ZBTB7C: variants seen among roughly 807,000 people sequenced by gnomAD.
The protein encoded by ZBTB7C is zinc finger and BTB domain-containing protein 7C.
ZBTB7C carries 8 observed loss-of-function variants against 25.7 expected under a neutral mutation model. The ratio of observed to expected loss-of-function variants is 0.31; its 90% CI spans 0.18 to 0.56. The LOEUF (loss-of-function observed/expected upper bound fraction) is 0.56. ZBTB7C is among the 20% of genes least tolerant of loss of function. ZBTB7C has a pLI of 0.91. For missense variants in ZBTB7C, 824 were observed against 855.2 expected (o/e 0.96, Z 0.46); for synonymous variants, 394 against 369.0 (o/e 1.07, Z -0.78).
intron 3 of ZBTB7C, among the ~76,000 whole-genome samples, chr18:48,090,634 C>G (rs2144548542): frequency 6.6e-6 from 1 of 152,344 alleles, no homozygotes; most frequent in South Asian, 2.1e-4. Flanking sequence ...ATGACCCAGG[C>G]CTATCTGTCC....
At chr18:48,288,779 G>C (rs928717019) in intron 2 of ZBTB7C, among the ~76,000 whole-genome samples, 2 of 152,170 alleles carry the variant, frequency 1.3e-5, no homozygotes, top group African/African-American at 4.8e-5. Flanking sequence ...ACCAGACATC[G>C]AATCTGCTGG....
intron 2 of ZBTB7C, among the ~76,000 whole-genome samples, chr18:48,288,142 A>G (rs1294631106): frequency 6.6e-6 from 1 of 152,270 alleles, no homozygotes; most frequent in Non-Finnish European, 1.5e-5. Context: ...TAATCTACAA[A>G]GATCTAAAAG....
At chr18:48,120,966 C>T (rs756116319) in intron 3 of ZBTB7C, among the ~76,000 whole-genome samples, 4 of 152,210 alleles carry the variant, frequency 2.6e-5, no homozygotes, top group Non-Finnish European at 5.9e-5. Context: ...TGGGAGGTAC[C>T]AAGAGAGTAA....
rs1306510626 is a variant in ZBTB7C, at chr18:48,029,076, C to G, written c.*184G>C. 16 of 877,780 alleles carry G rather than the reference C, an allele frequency of 1.8e-5. No homozygotes were observed. The highest frequency in any genetic ancestry group is 2.4e-5 in the Non-Finnish European group (15 of 619,278). The allele number at this position is 877,780 out of a possible 1,614,324, so 54.4% of individuals were successfully genotyped here. ...TTTGGGAAAAGATGCCCGTCTCAGA[C>G]CAGCAAAAGGAGGCAGCTGCTTTAG... On this transcript the variant is annotated 3_prime_UTR_variant, in exon 5 of 5. Transcript: ENST00000590800.
rs570958236 is a variant in ZBTB7C, at chr18:48,352,495, C to T, written c.-303-14097G>A. ...CATCACCTCCAGAAAGTTCCCATCC[C>T]CAAGAGGAGGCACAGTCTCACCCTG... On this transcript the variant is annotated intron_variant, in intron 1 of 4. Coordinates refer to ENST00000590800, the MANE Select transcript of ZBTB7C (RefSeq NM_001318841.2). Among the ~76,000 whole-genome samples, 155 of 152,296 alleles carry T rather than the reference C, an allele frequency of 1.0e-3. 1 individual carries two copies. The highest frequency in any genetic ancestry group is 1.9e-3 in the Non-Finnish European group (126 of 68,024).
chr18:48,390,989 G>A (rs192448448), intron 1 of ZBTB7C, among the ~76,000 whole-genome samples: 102 of 152,324 alleles, frequency 6.7e-4, no homozygotes, highest in African/African-American at 2.4e-3. Context: ...AAGCCACTGA[G>A]CTGGCTGCAG....
chr18:48,381,624 G>A (rs2047635600), intron 1 of ZBTB7C, among the ~76,000 whole-genome samples: 1 of 152,200 alleles, frequency 6.6e-6, no homozygotes, highest in South Asian at 2.1e-4. Flanking sequence ...TATGTTGGGA[G>A]GATGAGGGAG....
At chr18:48,367,697 G>A (rs1041821944) in intron 1 of ZBTB7C, among the ~76,000 whole-genome samples, 16 of 151,962 alleles carry the variant, frequency 1.1e-4, no homozygotes, top group Non-Finnish European at 1.9e-4. Flanking sequence ...AAGGCCACAT[G>A]GGGAGCCTAG....
At chr18:48,063,226 C>G (rs548508297) in intron 3 of ZBTB7C, among the ~76,000 whole-genome samples, 1 of 152,342 alleles carries the variant, frequency 6.6e-6, no homozygotes, top group Admixed American at 6.5e-5. Context: ...TCTCCGCCTC[C>G]TTGTATGCAC....
At chr18:48,348,525 T>C (rs2046791854) in intron 1 of ZBTB7C, among the ~76,000 whole-genome samples, 2 of 152,178 alleles carry the variant, frequency 1.3e-5, no homozygotes, top group South Asian at 4.1e-4. Context: ...CAAATAAAAA[T>C]GTTGCTCCAG....
chr18:48,030,499 T>C (rs113329954), intron 4 of ZBTB7C, among the ~76,000 whole-genome samples: 68 of 152,240 alleles, frequency 4.5e-4, no homozygotes, highest in Non-Finnish European at 3.8e-4. Flanking sequence ...TCCTAAGCCT[T>C]GGGCTCTCCT....
At chr18:48,173,263 C>T (rs1187873313) in intron 3 of ZBTB7C, among the ~76,000 whole-genome samples, 1 of 152,196 alleles carries the variant, frequency 6.6e-6, no homozygotes, top group African/African-American at 2.4e-5. Flanking sequence ...CCACATCAGG[C>T]CCCACGCCAA....
intron 2 of ZBTB7C, among the ~76,000 whole-genome samples, chr18:48,268,220 C>T (rs1340111642): frequency 6.6e-6 from 1 of 152,164 alleles, no homozygotes; most frequent in East Asian, 1.9e-4. Flanking sequence ...CTTCTCCAGC[C>T]CCATGTCATT....
At chr18:48,166,410 C>T (rs1050610342) in intron 3 of ZBTB7C, among the ~76,000 whole-genome samples, 13 of 152,160 alleles carry the variant, frequency 8.5e-5, no homozygotes, top group African/African-American at 3.1e-4. Flanking sequence ...TCTTGTTGCC[C>T]TTTGTGTCTG....
intron 3 of ZBTB7C, among the ~76,000 whole-genome samples, chr18:48,158,739 G>T (rs1024365544): frequency 3.9e-5 from 6 of 152,220 alleles, no homozygotes; most frequent in Admixed American, 3.9e-4. Flanking sequence ...GGAAACAGAA[G>T]ATAGACTCCA....
chr18:48,344,289 G>T (rs531412639), intron 1 of ZBTB7C, among the ~76,000 whole-genome samples: 1 of 152,322 alleles, frequency 6.6e-6, no homozygotes, highest in East Asian at 1.9e-4. Flanking sequence ...TGGCCGGGAA[G>T]TGTGTTTTAA....
chr18:48,069,265 G>A (rs142491274), intron 3 of ZBTB7C, among the ~76,000 whole-genome samples: 2 of 152,158 alleles, frequency 1.3e-5, no homozygotes, highest in African/African-American at 2.4e-5. Flanking sequence ...CACCACAATC[G>A]GAAAATGCCC....
At chr18:48,210,001 T>C (rs1400216949) in intron 2 of ZBTB7C, among the ~76,000 whole-genome samples, 1 of 152,182 alleles carries the variant, frequency 6.6e-6, no homozygotes, top group African/African-American at 2.4e-5. Flanking sequence ...ATTTAAAACA[T>C]GGTCAAAGGA....
At chr18:48,375,517 T>C (rs769223052) in intron 1 of ZBTB7C, 2 of 152,216 alleles carry the variant, frequency 1.3e-5, no homozygotes, top group Non-Finnish European at 2.9e-5. Flanking sequence ...TTCGGAAGGT[T>C]GCCATGACCA....
Sources: gnomAD v4.1 joint callset for allele counts (sites outside exome capture counted in the v4.1 genomes callset) on GRCh38, gnomAD v4.1.1 for gene constraint, MANE v1.5 for transcripts, NCBI Gene and HGNC (gene_info 2026-07-23, HGNC 2026-07-21) for gene names.